CBX1: variants seen among roughly 807,000 people sequenced by gnomAD.
CBX1 encodes the protein chromobox 1.
Under a neutral mutation model 25.1 loss-of-function variants are expected in CBX1, and 10 were observed. The ratio of observed to expected loss-of-function variants is 0.40; its 90% CI spans 0.25 to 0.68. CBX1 has a LOEUF of 0.68. Among genes scored for constraint, CBX1 ranks in the 30% least tolerant of loss-of-function variants. The pLI is 0.40. For synonymous variants in CBX1, 63 were observed against 79.4 expected (o/e 0.79, Z 1.10); for missense variants, 106 against 218.5 (o/e 0.49, Z 3.25).
intron 1 of CBX1, among the ~76,000 whole-genome samples, chr17:48,091,319 TTA>T (rs2063342554): frequency 6.6e-6 from 1 of 152,200 alleles, no homozygotes; most frequent in South Asian, 2.1e-4. Flanking sequence ...TTTAACCCGT[TTA>T]GGTTGAAGAT....
At chr17:48,071,927 CCA>C (rs1367731092) in intron 4 of CBX1, among the ~76,000 whole-genome samples, 1 of 152,024 alleles carries the variant, frequency 6.6e-6, no homozygotes. Flanking sequence ...AGAGAAGTTA[CCA>C]CACTCCTCCA....
At chr17:48,092,335 T>C (rs991497019) in intron 1 of CBX1, among the ~76,000 whole-genome samples, 2 of 151,388 alleles carry the variant, frequency 1.3e-5, no homozygotes, top group Non-Finnish European at 2.9e-5. Context: ...AAAATAAAAT[T>C]AGCGAGGCAC....
intron 1 of CBX1, among the ~76,000 whole-genome samples, chr17:48,099,636 T>G (rs948811157): frequency 8.5e-5 from 13 of 152,172 alleles, no homozygotes; most frequent in Non-Finnish European, 1.3e-4. Flanking sequence ...TTCCTGAATC[T>G]ATTCCAAAGC....
At chr17:48,098,402 G>C (rs972807089) in intron 1 of CBX1, among the ~76,000 whole-genome samples, 2 of 152,186 alleles carry the variant, frequency 1.3e-5, no homozygotes, top group African/African-American at 4.8e-5. Context: ...TCTCAGAATG[G>C]ATCTCAAAGC....
chr17:48,071,649 G>T, intron 4 of CBX1, 70 bp from the exon 5 acceptor site: 1 of 1,310,640 alleles, frequency 7.6e-7, no homozygotes, highest in Non-Finnish European at 1.0e-6. Flanking sequence ...GATAACCCAG[G>T]GGACAGTGCT....
chr17:48,074,414 A>G (rs2037655525), intron 4 of CBX1, among the ~76,000 whole-genome samples: 1 of 152,218 alleles, frequency 6.6e-6, no homozygotes, highest in Non-Finnish European at 1.5e-5. Context: ...TGGGATAACT[A>G]TCTTCATTAG....
intron 1 of CBX1, among the ~76,000 whole-genome samples, chr17:48,089,433 A>C (rs945592945): frequency 1.7e-4 from 25 of 150,640 alleles, no homozygotes; most frequent in African/African-American, 5.9e-4. Flanking sequence ...TCCACAGGTG[A>C]TTTTGATGAA....
At chr17:48,095,162 C>T (rs908852243) in intron 1 of CBX1, among the ~76,000 whole-genome samples, 2 of 152,160 alleles carry the variant, frequency 1.3e-5, no homozygotes, top group African/African-American at 2.4e-5. Context: ...ATGAAGCCTA[C>T]CCAACCTAGC....
intron 1 of CBX1, among the ~76,000 whole-genome samples, chr17:48,082,476 T>C (rs1598308241): frequency 1.8e-5 from 2 of 111,414 alleles, no homozygotes; most frequent in East Asian, 6.0e-4. Context: ...CACTCCAGCC[T>C]GGGGGACAGA....
At chr17:48,082,371 G>A (rs1297326458) in intron 1 of CBX1, among the ~76,000 whole-genome samples, 1 of 151,088 alleles carries the variant, frequency 6.6e-6, no homozygotes, top group African/African-American at 2.4e-5. Context: ...GTGTGATGGC[G>A]GGCACCTGTA....
intron 1 of CBX1, chr17:48,100,821 G>C: frequency 3.0e-6 from 3 of 985,588 alleles, no homozygotes; most frequent in Non-Finnish European, 3.6e-6. Flanking sequence ...GCAAAGCCAG[G>C]TTCCTCTGGC....
At chr17:48,085,927 G>A (rs1226609215) in intron 1 of CBX1, among the ~76,000 whole-genome samples, 1 of 152,062 alleles carries the variant, frequency 6.6e-6, no homozygotes, top group East Asian at 1.9e-4. Flanking sequence ...AAAATAGGCT[G>A]GTCACGGTGG....
intron 1 of CBX1, among the ~76,000 whole-genome samples, chr17:48,083,017 C>A (rs1271773416): frequency 6.7e-6 from 1 of 149,518 alleles, no homozygotes; most frequent in African/African-American, 2.6e-5. Context: ...TTGGCATGCA[C>A]CACCATGCCC....
intron 1 of CBX1, among the ~76,000 whole-genome samples, chr17:48,097,610 C>T (rs1199661207): frequency 6.8e-6 from 1 of 147,130 alleles, no homozygotes; most frequent in Non-Finnish European, 1.5e-5. Context: ...GAGCGAGACT[C>T]TGTCTCAAAA....
At chr17:48,090,515 C>A (rs2063338806) in intron 1 of CBX1, among the ~76,000 whole-genome samples, 1 of 152,072 alleles carries the variant, frequency 6.6e-6, no homozygotes. Flanking sequence ...TTTTTTCCAG[C>A]CCCACTGCTG....
intron 1 of CBX1, among the ~76,000 whole-genome samples, chr17:48,082,522 A>ACCAATACTCTC: frequency 1.7e-4 from 24 of 144,380 alleles, no homozygotes; most frequent in African/African-American, 5.1e-4. Flanking sequence ...AAAAAAAAAA[A>ACCAATACTCTC]AAAGGAAAAA....
At chr17:48,093,333 A>C (rs1404985406) in intron 1 of CBX1, among the ~76,000 whole-genome samples, 1 of 151,968 alleles carries the variant, frequency 6.6e-6, no homozygotes, top group Non-Finnish European at 1.5e-5. Flanking sequence ...AAAAAAATTT[A>C]CAAAAAGGTA....
chr17:48,101,306 T>C lies in CBX1; in HGVS notation c.-76A>G. The C allele has an allele frequency of 1.0e-6, 1 of 986,448 alleles. No individual in the cohort carries two copies. Among genetic ancestry groups the C allele is most frequent in the Non-Finnish European group, 1.2e-6 (1 of 830,074 alleles). The allele number at this position is 986,448 out of a possible 1,614,324, so 61.1% of individuals were successfully genotyped here. A position where few individuals can be genotyped will look rare whatever the true frequency, so the allele number is the denominator to read the frequency against. On this transcript the variant is annotated 5_prime_UTR_variant, in exon 1 of 5. Transcript: ENST00000225603. Reference sequence around the variant, plus strand: ...CCAAGAGCCCGAGAGGAATCGGTGCTGCGCTGCTGGCGCGTCGCGTCGGGT... The same window carrying C: ...CCAAGAGCCCGAGAGGAATCGGTGCCGCGCTGCTGGCGCGTCGCGTCGGGT...
intron 1 of CBX1, among the ~76,000 whole-genome samples, chr17:48,093,070 CAA>C (rs748778471): frequency 2.3e-4 from 2 of 8,746 alleles, no homozygotes; most frequent in Admixed American, 1.1e-3. Context: ...AACTCTGTCT[CAA>C]AAAAAAAAAA....
Sources: allele counts gnomAD v4.1 joint callset (sites outside exome capture counted in the v4.1 genomes callset), GRCh38; gene constraint gnomAD v4.1.1; transcripts MANE v1.5; gene names NCBI Gene and HGNC (gene_info 2026-07-23, HGNC 2026-07-21).